The following MACF1 variants were observed in gnomAD, a reference collection of about 807,000 sequenced individuals.
MACF1 encodes the protein microtubule-actin cross-linking factor 1.
In MACF1, 193 loss-of-function variants were observed where a neutral mutation model predicts 854.8. That is an observed-to-expected ratio of 0.23 (90% confidence interval 0.20 to 0.25). The LOEUF (loss-of-function observed/expected upper bound fraction) is 0.25. Ranked by LOEUF, MACF1 falls within the 10% of genes least tolerant of loss-of-function variation. MACF1 has a pLI of 1.00. For synonymous variants in MACF1, 3,185 were observed against 3,226.7 expected (o/e 0.99, Z 0.44); for missense variants, 7,722 against 8,929.1 (o/e 0.86, Z 5.45).
At chr1:39,128,816 C>G (rs921297217) in intron 2 of MACF1, among the ~76,000 whole-genome samples, 5 of 152,190 alleles carry the variant, frequency 3.3e-5, no homozygotes, top group Non-Finnish European at 7.3e-5. Context: ...CATTAATCCA[C>G]TGGAAAGCTA....
chr1:39,280,374 G>A (rs1645519737), intron 6 of MACF1, among the ~76,000 whole-genome samples: 1 of 152,132 alleles, frequency 6.6e-6, no homozygotes, highest in Admixed American at 6.5e-5. Context: ...AGATTTGGAA[G>A]TTATTTCGTT....
intron 55 of MACF1, 80 bp from the exon 56 acceptor site, chr1:39,381,873 G>A (rs1015608750): frequency 4.2e-6 from 4 of 959,056 alleles, no homozygotes; most frequent in Non-Finnish European, 6.7e-6. Context: ...ATTTCCTGCA[G>A]TATATTAGGA....
chr1:39,250,958 G>A (rs1645034172), intron 3 of MACF1, among the ~76,000 whole-genome samples: 1 of 152,144 alleles, frequency 6.6e-6, no homozygotes. Context: ...GTCCAGGGTT[G>A]AATACTGGAA....
At chr1:39,363,739 A>G (rs899831014) in intron 49 of MACF1, among the ~76,000 whole-genome samples, 2 of 151,924 alleles carry the variant, frequency 1.3e-5, no homozygotes, top group Non-Finnish European at 2.9e-5. Context: ...CAGCCTCCCA[A>G]GAAGCTGGGA....
At chr1:39,116,028 A>G (rs1642534981) in intron 2 of MACF1, among the ~76,000 whole-genome samples, 1 of 152,198 alleles carries the variant, frequency 6.6e-6, no homozygotes, top group Non-Finnish European at 1.5e-5. Flanking sequence ...CTTTGAAGGA[A>G]GAGAGAGGAG....
In MACF1 at chr1:39,448,053, A is replaced by G. The variant is rs1440419761; in HGVS notation, c.19989A>G (p.Lys6663=). 6.2e-7 allele frequency: 1 copy of G among 1,614,038 alleles called. No individual in the cohort carries two copies. The highest frequency in any genetic ancestry group is 8.5e-7 in the Non-Finnish European group (1 of 1,180,012). ...RAKQFHEAWK[K]LIDWLEDAES... ...TTTAGTTCCATGAAGCTTGGAAAAA[A>G]CTGATTGACTGGCTAGAAGATGCAG... is the stretch of plus-strand genomic sequence containing the variant. Residue 6663 remains lysine (K), a synonymous_variant, in exon 83 of 101, where the codon AAA becomes AAG. Coordinates refer to ENST00000564288, the MANE Select transcript of MACF1 (RefSeq NM_001394062.1).
chr1:39,429,866 T>C lies in MACF1; in HGVS notation c.16928T>C (p.Ile5643Thr). Residue 5643 changes from isoleucine to threonine, a missense_variant, in exon 65 of 101, where the codon ATA becomes ACA. Physicochemically the swap from Ile to Thr is moderately conservative, Grantham distance 89. Transcript: ENST00000564288. ...VLLIQEKLDG[I>T]KTRYADITVT... The stretch of plus-strand genomic sequence containing the variant: ...CTTATCCAGGAAAAACTAGATGGTA[T>C]AAAGACTCGTTACGCAGACATCACA... 6.2e-7 allele frequency: 1 copy of C among 1,614,100 alleles called. No homozygotes were observed. Among genetic ancestry groups the C allele is most frequent in the Non-Finnish European group, 8.5e-7 (1 of 1,179,976 alleles).
intron 2 of MACF1, among the ~76,000 whole-genome samples, chr1:39,244,901 G>A (rs1046947763): frequency 5.9e-5 from 9 of 151,952 alleles, no homozygotes; most frequent in African/African-American, 1.9e-4. Flanking sequence ...TCAGTAGAGC[G>A]GGGGTTTTGC....
At chr1:39,281,377 ATT>A (rs1468762403) in intron 6 of MACF1, among the ~76,000 whole-genome samples, 6 of 151,948 alleles carry the variant, frequency 3.9e-5, no homozygotes, top group Non-Finnish European at 7.4e-5. Flanking sequence ...TTAAATGTAT[ATT>A]TTGTATGTCT....
At chr1:39,443,058 A>G (rs1314059028) in intron 78 of MACF1, 147 bp downstream of exon 78, 1 of 752,186 alleles carries the variant, frequency 1.3e-6, no homozygotes, top group East Asian at 2.7e-5. Context: ...TTATCTAGAA[A>G]GAGCAGCTTT....
chr1:39,111,046 T>A (rs1642389087), intron 2 of MACF1, among the ~76,000 whole-genome samples: 2 of 152,192 alleles, frequency 1.3e-5, no homozygotes, highest in Non-Finnish European at 2.9e-5. Context: ...CTGATAATTA[T>A]ATATTGAGCC....
chr1:39,385,419 T>G lies in MACF1; in HGVS notation c.13849-15T>G. The G allele has an allele frequency of 6.2e-7, 1 of 1,610,628 alleles. No individual in the cohort carries two copies. Among genetic ancestry groups the G allele is most frequent in the Non-Finnish European group, 8.5e-7 (1 of 1,177,660 alleles). ...TTTTTCCTGTCTAAACATCTTGGTG[T>G]CATTTCTATTTCAGTTTATGCTAAA... On this transcript the variant is annotated splice_polypyrimidine_tract_variant and intron_variant, in intron 56 of 100. Coordinates refer to ENST00000564288, the MANE Select transcript of MACF1 (RefSeq NM_001394062.1).
At chr1:39,219,282 T>G (rs556907546) in intron 1 of MACF1, among the ~76,000 whole-genome samples, 2 of 152,192 alleles carry the variant, frequency 1.3e-5, no homozygotes, top group African/African-American at 4.8e-5. Context: ...TCTAATAAAT[T>G]TATGGAGGTT....
intron 22 of MACF1, among the ~76,000 whole-genome samples, chr1:39,302,492 A>G (rs1304156873): frequency 1.3e-5 from 2 of 152,372 alleles, no homozygotes; most frequent in East Asian, 1.9e-4. Flanking sequence ...GAAAGACTTG[A>G]TAATTCCAAA....
intron 2 of MACF1, among the ~76,000 whole-genome samples, chr1:39,246,907 CTTT>C (rs59664447): frequency 7.3e-6 from 1 of 136,300 alleles, no homozygotes; most frequent in Non-Finnish European, 1.6e-5. Flanking sequence ...CTAAACATAG[CTTT>C]TTTTTTTTTT....
At chr1:39,337,907 C>T (rs948194204) in intron 38 of MACF1, among the ~76,000 whole-genome samples, 2 of 151,956 alleles carry the variant, frequency 1.3e-5, no homozygotes, top group Non-Finnish European at 2.9e-5. Flanking sequence ...GTAGCTGGGA[C>T]TACAGGCGCC....
chr1:39,086,285 C>T (rs1641671948), intron 2 of MACF1, among the ~76,000 whole-genome samples: 3 of 152,162 alleles, frequency 2.0e-5, no homozygotes, highest in African/African-American at 4.8e-5. Context: ...CTTATGTGGG[C>T]TCAGGTAATC....
intron 2 of MACF1, among the ~76,000 whole-genome samples, chr1:39,107,694 A>G (rs1443869756): frequency 1.3e-5 from 2 of 152,236 alleles, no homozygotes; most frequent in African/African-American, 4.8e-5. Flanking sequence ...TGGAATCTAT[A>G]GAGTGACCAG....
Position 39,399,031 on chromosome 1 carries a change from T to G in MACF1, c.15816+10373T>G, listed in dbSNP as rs144100328. Among the ~76,000 whole-genome samples the G allele has an allele frequency of 4.5e-3, 685 of 152,332 alleles. 8 individuals are homozygous for G. Among genetic ancestry groups the G allele is most frequent in the African/African-American group, 0.016 (652 of 41,570 alleles). Reference sequence around the variant, plus strand: ...GGATAGCTAGCATATACATACATGGTTCCTATGGGAAAAAAACAGACATAA... The same window carrying G: ...GGATAGCTAGCATATACATACATGGGTCCTATGGGAAAAAAACAGACATAA... On this transcript the variant is annotated intron_variant, in intron 58 of 100. Coordinates refer to ENST00000564288, the MANE Select transcript of MACF1 (RefSeq NM_001394062.1).
Sources: gnomAD v4.1 joint callset for allele counts (sites outside exome capture counted in the v4.1 genomes callset) on GRCh38, gnomAD v4.1.1 for gene constraint, MANE v1.5 for transcripts, NCBI Gene and HGNC (gene_info 2026-07-23, HGNC 2026-07-21) for gene names.